Variants in TNKS1BP1 observed in about 807,000 individuals in gnomAD.
TNKS1BP1 encodes CCR4-NOT transcription complex subunit 12, also known as 182 kDa tankyrase-1-binding protein.
A neutral mutation model predicts 141.1 loss-of-function variants in TNKS1BP1; 48 were observed. The observed-to-expected ratio is 0.34, with a 90% confidence interval of 0.27 to 0.43. The LOEUF is 0.43. Ranked by LOEUF, TNKS1BP1 falls within the 20% of genes least tolerant of loss-of-function variation. The probability of loss-of-function intolerance (pLI) is 1.00; values close to 1 mark genes in which losing one functional copy is unlikely to be tolerated. For synonymous variants in TNKS1BP1, 875 were observed against 898.2 expected (o/e 0.97, Z 0.46); for missense variants, 2,149 against 2,226.0 (o/e 0.97, Z 0.70).
intron 2 of TNKS1BP1, 141 bp downstream of exon 2, chr11:57,321,651 T>C: frequency 2.1e-6 from 2 of 932,472 alleles, no homozygotes; most frequent in South Asian, 3.6e-5. Flanking sequence ...CCTTTCAAAC[T>C]CATCCTGTAC....
Position 57,310,399 on chromosome 11 carries a change from T to C in TNKS1BP1, c.2312A>G (p.Glu771Gly). The stretch of plus-strand genomic sequence containing the variant: ...CCCATACTTGCTGGTCCAGTCCCTC[T>C]CTCCGAGACCTGGGTCTCCTCTAGG... ...ASPRGDPGLG[E>G]RDWTSKYGQG... Residue 771 changes from glutamate (E) to glycine (G), a missense_variant, in exon 6 of 12, where the codon GAG becomes GGG. Transcript: ENST00000358252. The C allele has an allele frequency of 6.2e-7, 1 of 1,613,986 alleles. No homozygotes were observed. Among genetic ancestry groups the C allele is most frequent in the Non-Finnish European group, 8.5e-7 (1 of 1,180,022 alleles).
At chr11:57,306,237 C>A (rs1476438124) in intron 6 of TNKS1BP1, among the ~76,000 whole-genome samples, 1 of 150,890 alleles carries the variant, frequency 6.6e-6, no homozygotes, top group Non-Finnish European at 1.5e-5. Context: ...AAGATCGCAC[C>A]ACTGCACTTC....
At chr11:57,301,670 G>T in intron 9 of TNKS1BP1, 137 bp downstream of exon 9, 2 of 1,226,664 alleles carry the variant, frequency 1.6e-6, no homozygotes, top group Non-Finnish European at 2.3e-6. Context: ...TGGAGCCCTC[G>T]ATGGAGAGGA....
chr11:57,311,079 C>T (rs1014158795), intron 5 of TNKS1BP1, among the ~76,000 whole-genome samples: 2 of 152,200 alleles, frequency 1.3e-5, no homozygotes, highest in Admixed American at 1.3e-4. Context: ...CCAGGCCCTT[C>T]TTCCCCAGCC....
At position 57,301,837 on chromosome 11, in the gene TNKS1BP1, G is replaced by C; in HGVS notation, c.4941C>G (p.Leu1647=). 1 of 1,614,182 alleles carries C rather than the reference G, an allele frequency of 6.2e-7. No individual in the cohort carries two copies. The highest frequency in any genetic ancestry group is 1.1e-5 in the South Asian group (1 of 91,066). Residue 1647 remains leucine (L), a synonymous_variant, in exon 9 of 12, where the codon CTC becomes CTG. Transcript: ENST00000358252. ...GGGCTGAGGGGCTCAGGCCAGGAAA[G>C]AGGTTGACTTTCAGCCCCTTGGTGC... The part of the protein sequence containing the change: ...SLGTKGLKVN[L]FPGLSPSALK...
intron 2 of TNKS1BP1, 138 bp from the exon 3 acceptor site, chr11:57,320,850 C>G (rs1193228478): frequency 9.7e-7 from 1 of 1,034,184 alleles, no homozygotes. Context: ...CATATGCCAC[C>G]TCTTCCATGA....
At chr11:57,318,656 G>A (rs1855833316) in intron 3 of TNKS1BP1, among the ~76,000 whole-genome samples, 1 of 152,230 alleles carries the variant, frequency 6.6e-6, no homozygotes, top group South Asian at 2.1e-4. Flanking sequence ...CCAGCACTAA[G>A]GACAGCCTCT....
chr11:57,302,091 A>G lies in TNKS1BP1; in HGVS notation c.4817T>C (p.Leu1606Pro), dbSNP rs200509484. Residue 1606 changes from leucine (L) to proline (P), a missense_variant, in exon 8 of 12, where the codon CTG becomes CCG. Leu to Pro is a moderately conservative substitution (Grantham distance 98, BLOSUM62 -3). Coordinates refer to ENST00000358252, the MANE Select transcript of TNKS1BP1 (RefSeq NM_033396.3). The surrounding 1 kb of genome is among the most constrained non-coding windows in gnomAD (Gnocchi z 5.5). ...AGCCCTACCTGTAGAGTCCTGGAAC[A>G]GGTGTGCATCCGAGTCTGCTGCCTC... ...LSEAADSDAH[L>P]FQDSTEPRAS... The G allele has an allele frequency of 8.7e-6, 14 of 1,613,804 alleles. No homozygotes were observed. The highest frequency in any genetic ancestry group is 8.3e-5 in the Admixed American group (5 of 60,030).
Position 57,309,520 on chromosome 11 carries a change from T to A in TNKS1BP1, c.3191A>T (p.Gln1064Leu). Residue 1064 changes from glutamine to leucine, a missense_variant, in exon 6 of 12, where the codon CAG (glutamine) becomes CTG (leucine). Gln to Leu is a moderately radical substitution (Grantham distance 113). Transcript: ENST00000358252. This position sits in a 1 kb window ranked among gnomAD's most constrained non-coding sequence, Gnocchi z 4.3. ...GCCAGGGCCCTGAGCCCCTGCCTGC[T>A]GTCTCTCCTGATGCCCTCCCACCTC... ...SQEVGGHQER[Q>L]QAGAQGPGSA... 1 of 1,613,704 alleles carries A rather than the reference T, an allele frequency of 6.2e-7. No homozygotes were observed. Among genetic ancestry groups the A allele is most frequent in the Non-Finnish European group, 8.5e-7 (1 of 1,180,020 alleles).
chr11:57,316,191 T>C (rs1430231893), intron 4 of TNKS1BP1, among the ~76,000 whole-genome samples: 1 of 152,190 alleles, frequency 6.6e-6, no homozygotes, highest in Non-Finnish European at 1.5e-5. Flanking sequence ...TTACTTGACC[T>C]GTCAGTGGCA....
At position 57,320,636 on chromosome 11, in the gene TNKS1BP1, GGGTTTGGCAGGCAGGGCT is replaced by G; in HGVS notation, c.153_170del (p.Ala52_Pro57del). On this transcript the variant is annotated inframe_deletion, in exon 3 of 12. Coordinates refer to ENST00000358252, the MANE Select transcript of TNKS1BP1 (RefSeq NM_033396.3). The stretch of plus-strand genomic sequence containing the variant: ...GAGGCCCAACAGGCACCAGCAGGCT[GGGTTTGGCAGGCAGGGCT>G]GGCTTGGCAGGCAGGGCCCGGGGTT... 6.2e-7 allele frequency: 1 copy of G among 1,613,200 alleles called. No homozygotes were observed. Among genetic ancestry groups the G allele is most frequent in the Non-Finnish European group, 8.5e-7 (1 of 1,179,836 alleles).
At chr11:57,305,639 C>T (rs1273730798) in intron 6 of TNKS1BP1, among the ~76,000 whole-genome samples, 2 of 151,286 alleles carry the variant, frequency 1.3e-5, no homozygotes, top group Non-Finnish European at 3.0e-5. Flanking sequence ...GGAGGGTGCC[C>T]AGAGAAGACT....
At chr11:57,318,977 T>C (rs1002922817) in intron 3 of TNKS1BP1, among the ~76,000 whole-genome samples, 2 of 151,932 alleles carry the variant, frequency 1.3e-5, no homozygotes, top group Admixed American at 6.6e-5. Context: ...ACCCCATCTC[T>C]ACTAAAAATA....
rs1345821341 is a variant in TNKS1BP1 at position 57,320,273 on chromosome 11, G to A, written c.534C>T (p.Ser178=). ...GGCGGGAACCCCACAGGCGGTCGGG[G>A]CTGGCAAGGACCTCCTTCCGAGGCT... The part of the protein sequence containing the change: ...MEQPRKEVLA[S]PDRLWGSRLT... Residue 178 remains serine, a synonymous_variant, in exon 3 of 12, where the codon AGC becomes AGT. Coordinates refer to ENST00000358252, the MANE Select transcript of TNKS1BP1 (RefSeq NM_033396.3). 9.3e-6 allele frequency: 15 copies of A among 1,614,068 alleles called. No individual in the cohort carries two copies. Among genetic ancestry groups the A allele is most frequent in the Non-Finnish European group, 1.3e-5 (15 of 1,180,050 alleles).
chr11:57,305,757 G>A (rs1295133205), intron 6 of TNKS1BP1, among the ~76,000 whole-genome samples: 2 of 151,684 alleles, frequency 1.3e-5, no homozygotes, highest in African/African-American at 4.8e-5. Context: ...TTTTTGTGAG[G>A]AACAATTAAC....
Position 57,302,511 on chromosome 11 carries a change from G to T in TNKS1BP1, c.4631C>A (p.Pro1544His). ...DQGPAQTSRR[P>H]SQGPPARSPS... ...GGATCTGGCAGGAGGGCCTTGGGAG[G>T]GTCGCCGAGAAGTCTGTGCTGGCCC... is the stretch of plus-strand genomic sequence containing the variant. The change falls in exon 7 of 12, where the codon CCC becomes CAC. Residue 1544 changes from proline to histidine, a missense_variant. By Grantham distance (77) the Pro-to-His change is moderately conservative. Coordinates refer to ENST00000358252, the MANE Select transcript of TNKS1BP1 (RefSeq NM_033396.3). This position sits in a 1 kb window ranked among gnomAD's most constrained non-coding sequence, Gnocchi z 5.5. The T allele has an allele frequency of 6.2e-7, 1 of 1,611,116 alleles. No homozygotes were observed. The highest frequency in any genetic ancestry group is 2.2e-5 in the East Asian group (1 of 44,802).
rs778587384 is a variant in TNKS1BP1, at chr11:57,310,243, C to A, written c.2468G>T (p.Arg823Leu). 1.2e-6 allele frequency: 2 copies of A among 1,614,168 alleles called. No homozygotes were observed. The highest frequency in any genetic ancestry group is 1.7e-6 in the Non-Finnish European group (2 of 1,180,030). The change falls in exon 6 of 12, where the codon CGG becomes CTG. Residue 823 changes from arginine (R) to leucine (L), a missense_variant. Arg to Leu is a moderately radical substitution (Grantham distance 102, BLOSUM62 -2). Transcript: ENST00000358252. ...SAPGVLTAQD[R>L]VVGKPAQLGT... ...AAGCTGGGCTGGCTTTCCAACTACCCGGTCCTGGGCTGTGAGCACCCCTGG... is the reference window on the plus strand; with the variant it reads ...AAGCTGGGCTGGCTTTCCAACTACCAGGTCCTGGGCTGTGAGCACCCCTGG...
chr11:57,309,648 C>T lies in TNKS1BP1; in HGVS notation c.3063G>A (p.Glu1021=). ...GACTGAACAAGCCCCCGGATCCTCT[C>T]TCTCCTGGCCGGCCAGCATCCCTGC... is the stretch of plus-strand genomic sequence containing the variant. ...EGSRDAGRPG[E]RGSGGLFSPS... Residue 1021 remains glutamate, a synonymous_variant, in exon 6 of 12, where the codon GAG becomes GAA. Transcript: ENST00000358252. The surrounding 1 kb of genome is among the most constrained non-coding windows in gnomAD (Gnocchi z 4.3). The T allele has an allele frequency of 6.2e-7, 1 of 1,614,202 alleles. No homozygotes were observed. Among genetic ancestry groups the T allele is most frequent in the Non-Finnish European group, 8.5e-7 (1 of 1,180,034 alleles).
At chr11:57,315,090 C>T (rs894117340) in intron 4 of TNKS1BP1, among the ~76,000 whole-genome samples, 2 of 152,118 alleles carry the variant, frequency 1.3e-5, no homozygotes, top group Admixed American at 1.3e-4. Flanking sequence ...TAGCCAGATG[C>T]GACCCTTCCA....
Sources: allele counts gnomAD v4.1 joint callset (sites outside exome capture counted in the v4.1 genomes callset), GRCh38; gene constraint gnomAD v4.1.1; non-coding constraint Gnocchi (gnomAD v3.1); transcripts MANE v1.5; gene names NCBI Gene and HGNC (gene_info 2026-07-23, HGNC 2026-07-21).